TPTE: variants seen among roughly 807,000 people sequenced by gnomAD.
TPTE encodes transmembrane phosphatase with tensin homology.
A neutral mutation model predicts 84.1 loss-of-function variants in TPTE; 59 were observed. The observed-to-expected ratio is 0.70, with a 90% CI of 0.57 to 0.87. The LOEUF is 0.87. Ranked by LOEUF, TPTE falls within the 40% of genes least tolerant of loss-of-function variation. The pLI, the probability that TPTE is intolerant of heterozygous loss-of-function variation, is 0.00. For synonymous variants in TPTE, 130 were observed against 223.5 expected, an observed-to-expected ratio of 0.58 and a Z score of 3.73; for missense variants, 382 against 659.6, an observed-to-expected ratio of 0.58 and a Z score of 4.61.
chr21:10,549,617 A>G (rs1207118613), intron 7 of TPTE, among the ~76,000 whole-genome samples: 5 of 152,300 alleles, frequency 3.3e-5, no homozygotes, highest in Non-Finnish European at 7.3e-5. Flanking sequence ...GAACTTGAAG[A>G]CAAGTCTTTT....
intron 19 of TPTE, among the ~76,000 whole-genome samples, chr21:10,594,790 T>C (rs963988938): frequency 6.6e-6 from 1 of 152,312 alleles, no homozygotes; most frequent in African/African-American, 2.4e-5. Context: ...CAGCTGCACG[T>C]TTGAGAGCTG....
Position 10,541,708 on chromosome 21 carries a change from T to G in TPTE, c.65+543T>G, listed in dbSNP as rs1346591721. On this transcript the variant is annotated intron_variant, in intron 5 of 23. Coordinates refer to ENST00000618007, the MANE Select transcript of TPTE (RefSeq NM_199261.4). ...TCCATCTGTTACTGTCTTGTCACCC[T>G]TAGTAAGTAGCAGGCAAATGCTTTG... Among the ~76,000 whole-genome samples the G allele has an allele frequency of 8.9e-4, 135 of 152,378 alleles. 1 individual carries two copies. Among genetic ancestry groups the G allele is most frequent in the Non-Finnish European group, 1.0e-3 (68 of 68,014 alleles).
chr21:10,522,145 T>C (rs1283261402), intron 1 of TPTE, among the ~76,000 whole-genome samples: 76 of 152,140 alleles, frequency 5.0e-4, no homozygotes, highest in African/African-American at 1.6e-3. Flanking sequence ...CGTTGTCTTG[T>C]CCCCCCCCAG....
chr21:10,601,133 C>T (rs1197107791), intron 21 of TPTE, among the ~76,000 whole-genome samples: 1 of 152,312 alleles, frequency 6.6e-6, no homozygotes, highest in Non-Finnish European at 1.5e-5. Flanking sequence ...AATCAAATGA[C>T]ACACATTAAA....
At chr21:10,572,227 A>T (rs1468730794) in intron 14 of TPTE, among the ~76,000 whole-genome samples, 1 of 152,310 alleles carries the variant, frequency 6.6e-6, no homozygotes, top group Non-Finnish European at 1.5e-5. Flanking sequence ...AGGCGGGTGG[A>T]TCACTTGAGG....
intron 10 of TPTE, among the ~76,000 whole-genome samples, chr21:10,563,054 G>A (rs1320460489): frequency 6.6e-6 from 1 of 152,306 alleles, no homozygotes; most frequent in Non-Finnish European, 1.5e-5. Context: ...AATATATCTG[G>A]CAGCAGACTC....
intron 7 of TPTE, among the ~76,000 whole-genome samples, chr21:10,551,112 A>G (rs2074563888): frequency 1.3e-5 from 2 of 152,310 alleles, no homozygotes; most frequent in African/African-American, 4.8e-5. Flanking sequence ...GTTATTAAGA[A>G]CTATGTTTTT....
Position 10,578,654 on chromosome 21 carries a change from A to C in TPTE, c.1027+49A>C, listed in dbSNP as rs1482443488. On this transcript the variant is annotated intron_variant, in intron 17 of 23. Coordinates refer to ENST00000618007, the MANE Select transcript of TPTE (RefSeq NM_199261.4). ...TCTCCATTTCTAAAGACATGTAAAT[A>C]TACATAAAGTACAAGAACAAGATAC... 1.9e-6 allele frequency: 3 copies of C among 1,611,680 alleles called. No homozygotes were observed. In the African/African-American group the frequency reaches 4.0e-5, roughly 21 times the overall value.
At chr21:10,603,413 G>C in intron 22 of TPTE, 149 bp from the exon 23 acceptor site, 1 of 786,346 alleles carries the variant, frequency 1.3e-6, no homozygotes, top group South Asian at 1.9e-5. Flanking sequence ...TGTGTCTTGA[G>C]TGTATTGTTA....
At chr21:10,534,468 C>G (rs865820696) in intron 3 of TPTE, among the ~76,000 whole-genome samples, 82 of 152,368 alleles carry the variant, frequency 5.4e-4, no homozygotes, top group African/African-American at 1.9e-3. Flanking sequence ...TTTTTTAGAA[C>G]AGCTAGTTTA....
intron 14 of TPTE, among the ~76,000 whole-genome samples, chr21:10,571,446 C>T (rs1328278248): frequency 1.2e-4 from 18 of 152,374 alleles, no homozygotes; most frequent in African/African-American, 1.7e-4. Flanking sequence ...CCATAAGAAA[C>T]GTGAAAAGCA....
chr21:10,541,529 A>AGAAAACAGT (rs1244045551), intron 5 of TPTE, among the ~76,000 whole-genome samples: 10 of 152,306 alleles, frequency 6.6e-5, no homozygotes, highest in Non-Finnish European at 1.5e-4. Context: ...ACAGAGAAAG[A>AGAAAACAGT]GACCGAGATT....
In TPTE at chr21:10,535,023, G is replaced by A. The variant is rs1170155545; in HGVS notation, c.-43-3658G>A. On this transcript the variant is annotated intron_variant, in intron 3 of 23. Coordinates refer to ENST00000618007, the MANE Select transcript of TPTE (RefSeq NM_199261.4). The stretch of plus-strand genomic sequence containing the variant: ...TAGAAATCTGAAATTGAGGTTGTCA[G>A]TAGGGTTGGCTTTTTATGAAGGCTA... Among the ~76,000 whole-genome samples, 3 of 152,306 alleles carry A rather than the reference G, an allele frequency of 2.0e-5. No homozygotes were observed. In the East Asian group the frequency reaches 5.8e-4, roughly 29 times the overall value.
chr21:10,596,386 C>T (rs1039529044), intron 20 of TPTE, among the ~76,000 whole-genome samples: 6 of 152,294 alleles, frequency 3.9e-5, no homozygotes, highest in East Asian at 1.9e-4. Flanking sequence ...CTTTTCCGGG[C>T]AGAGGGAGCC....
intron 21 of TPTE, among the ~76,000 whole-genome samples, chr21:10,600,142 T>TTTC (rs1189922980): frequency 1.4e-5 from 2 of 145,010 alleles, no homozygotes; most frequent in East Asian, 2.0e-4. Context: ...TTCTTTTTCT[T>TTTC]TTTTTTTTTT....
chr21:10,561,222 G>A (rs563370206), intron 10 of TPTE, 31 bp downstream of exon 10: 11 of 1,609,348 alleles, frequency 6.8e-6, no homozygotes, highest in East Asian at 6.7e-5. Flanking sequence ...AATGCATTAA[G>A]CTACTTTGTA....
chr21:10,585,265 GA>G (rs1479166641), intron 17 of TPTE, among the ~76,000 whole-genome samples: 1 of 151,452 alleles, frequency 6.6e-6, no homozygotes, highest in Non-Finnish European at 1.5e-5. Flanking sequence ...AAGAAAGAAA[GA>G]AAAAAGAAAT....
intron 7 of TPTE, among the ~76,000 whole-genome samples, chr21:10,547,445 C>T (rs2074489451): frequency 6.6e-6 from 1 of 152,308 alleles, no homozygotes; most frequent in Non-Finnish European, 1.5e-5. Context: ...GCAGAAGATC[C>T]CCACCAGCCC....
intron 17 of TPTE, among the ~76,000 whole-genome samples, chr21:10,581,838 A>G (rs2075276545): frequency 6.6e-6 from 1 of 152,304 alleles, no homozygotes; most frequent in Non-Finnish European, 1.5e-5. Context: ...GGTTCAAGCG[A>G]TCCTCCCATC....
Sources: allele counts gnomAD v4.1 joint callset (sites outside exome capture counted in the v4.1 genomes callset), GRCh38; gene constraint gnomAD v4.1.1; transcripts MANE v1.5; gene names NCBI Gene and HGNC (gene_info 2026-07-23, HGNC 2026-07-21).